The following SLITRK6 variants were observed in gnomAD, a reference collection of about 807,000 sequenced individuals.
The protein encoded by SLITRK6 is SLIT and NTRK-like protein 6.
SLITRK6 carries 35 observed loss-of-function variants against 55.6 expected under a neutral mutation model. The ratio of observed to expected loss-of-function variants is 0.63; its 90% confidence interval spans 0.48 to 0.83. The LOEUF is 0.83. Among genes scored for constraint, SLITRK6 ranks in the 40% least tolerant of loss-of-function variants. SLITRK6 has a pLI of 0.00. For missense variants in SLITRK6, 977 were observed against 986.4 expected (o/e 0.99, Z 0.13); for synonymous variants, 392 against 359.6 (o/e 1.09, Z -1.02).
At position 85,795,709 on chromosome 13, in the gene SLITRK6, C is replaced by T. The variant is rs914605052; in HGVS notation, c.800G>A (p.Cys267Tyr). ...TTCTTCATACACTGGTGGAGTAGGG[C>T]AAATAGATTCCTTCTTTAGTCTACT... The part of the protein sequence containing the change: ...ILSRLKKESI[C>Y]PTPPVYEEHE... Residue 267 changes from cysteine to tyrosine, a missense_variant, in exon 2 of 2, where the codon TGC (cysteine) becomes TAC (tyrosine). Physicochemically the swap from Cys to Tyr is radical, Grantham distance 194. Transcript: ENST00000647374. 1 of 1,612,802 alleles carries T rather than the reference C, an allele frequency of 6.2e-7. No individual in the cohort carries two copies. Among genetic ancestry groups the T allele is most frequent in the Non-Finnish European group, 8.5e-7 (1 of 1,179,316 alleles).
chr13:85,795,759 A>G lies in SLITRK6; in HGVS notation c.750T>C (p.Pro250=), dbSNP rs775261035. The change falls in exon 2 of 2, where the codon CCT becomes CCC. Residue 250 remains proline (P), a synonymous_variant. Transcript: ENST00000647374. ...SIIGDVVCNS[P]PFFKGSILSR... ...TGAGTATACTTCCTTTAAAAAATGG[A>G]GGGCTGTTGCAGACAACATCACCAA... is the stretch of plus-strand genomic sequence containing the variant. The G allele has an allele frequency of 3.0e-5, 48 of 1,612,646 alleles. No individual in the cohort carries two copies. The highest frequency in any genetic ancestry group is 3.8e-5 in the Non-Finnish European group (45 of 1,179,350).
At chr13:85,798,564 C>G (rs1226185799) in intron 1 of SLITRK6, among the ~76,000 whole-genome samples, 1 of 151,942 alleles carries the variant, frequency 6.6e-6, no homozygotes, top group Non-Finnish European at 1.5e-5. Flanking sequence ...ATACAAAATG[C>G]AAAGAATTAT....
chr13:85,796,252 C>A lies in SLITRK6; in HGVS notation c.257G>T (p.Gly86Val), dbSNP rs112793438. The stretch of plus-strand genomic sequence containing the variant: ...GTGTATTGAAATAGCATTGGTAAGC[C>A]CAGAAAAGTCATTTGTGTGAAGCAT... ...LTMLHTNDFSGLTNAISIHLG... is the reference protein window; with the variant it reads ...LTMLHTNDFSVLTNAISIHLG... Residue 86 changes from glycine (G) to valine (V), a missense_variant, in exon 2 of 2, where the codon GGG becomes GTG. By Grantham distance (109) the Gly-to-Val change is moderately radical (BLOSUM62 -3). Transcript: ENST00000647374. The A allele has an allele frequency of 1.2e-6, 2 of 1,612,446 alleles. No homozygotes were observed. The highest frequency in any genetic ancestry group is 1.7e-6 in the Non-Finnish European group (2 of 1,179,208).
chr13:85,796,566 G>A (rs556209013), intron 1 of SLITRK6, 34 bp from the exon 2 acceptor site: 1 of 1,468,848 alleles, frequency 6.8e-7, no homozygotes, highest in South Asian at 1.6e-5. Flanking sequence ...AGGGACTTTA[G>A]TGGGCAGAAC....
Position 85,794,195 on chromosome 13 carries a change from T to C in SLITRK6, c.2314A>G (p.Thr772Ala), listed in dbSNP as rs377105956. Residue 772 changes from threonine to alanine, a missense_variant, in exon 2 of 2, where the codon ACA (threonine) becomes GCA (alanine). Thr to Ala is a moderately conservative substitution (Grantham distance 58). Transcript: ENST00000647374. Reference sequence around the variant, plus strand: ...GCAATGTTTTTCCTTAGGTATTCTGTGATTCCCAGTTGCTGAAGTTCCCTT... The same window carrying C: ...GCAATGTTTTTCCTTAGGTATTCTGCGATTCCCAGTTGCTGAAGTTCCCTT... The part of the protein sequence containing the change: ...KERELQQLGI[T>A]EYLRKNIAQL... 3.1e-6 allele frequency: 5 copies of C among 1,612,824 alleles called. No homozygotes were observed. In the African/African-American group the frequency reaches 6.7e-5, roughly 22 times the overall value.
At position 85,793,957 on chromosome 13, in the gene SLITRK6, T is replaced by A. The variant is rs769773354; in HGVS notation, c.*26A>T. ...GGACTTAAAACAGAATCACAGCATT[T>A]CTGCGAAAGCCCTCAAACTCTCCAT... On this transcript the variant is annotated 3_prime_UTR_variant, in exon 2 of 2. Transcript: ENST00000647374. 1 of 1,555,598 alleles carries A rather than the reference T, an allele frequency of 6.4e-7. No homozygotes were observed. Among genetic ancestry groups the A allele is most frequent in the South Asian group, 1.3e-5 (1 of 79,416 alleles).
At position 85,795,368 on chromosome 13, in the gene SLITRK6, A is replaced by T. The variant is rs1446274616; in HGVS notation, c.1141T>A (p.Ser381Thr). Reference protein sequence around the residue: ...AGNIIHSLMKSDLVEYFTLEM... With the variant: ...AGNIIHSLMKTDLVEYFTLEM... ...AAAGTGAAATATTCCACTAGATCAG[A>T]CTTCATTAAACTGTGAATAATATTT... Residue 381 changes from serine to threonine, a missense_variant, in exon 2 of 2, where the codon TCT (serine) becomes ACT (threonine). Ser to Thr is a moderately conservative substitution (Grantham distance 58). Transcript: ENST00000647374. 1 of 1,612,636 alleles carries T rather than the reference A, an allele frequency of 6.2e-7. No individual in the cohort carries two copies. The highest frequency in any genetic ancestry group is 8.5e-7 in the Non-Finnish European group (1 of 1,179,348).
chr13:85,796,604 A>G, intron 1 of SLITRK6, 72 bp from the exon 2 acceptor site: 1 of 1,253,622 alleles, frequency 8.0e-7, no homozygotes, highest in South Asian at 2.5e-5. Flanking sequence ...TGATATTTTC[A>G]AAATAATAGG....
Position 85,794,174 on chromosome 13 carries a change from T to A in SLITRK6, c.2335A>T (p.Ile779Phe), listed in dbSNP as rs1294760607. Residue 779 changes from isoleucine to phenylalanine, a missense_variant, in exon 2 of 2, where the codon ATT (isoleucine) becomes TTT (phenylalanine). Ile to Phe is a conservative substitution (Grantham distance 21, BLOSUM62 0). Coordinates refer to ENST00000647374, the MANE Select transcript of SLITRK6 (RefSeq NM_032229.3). ...LGITEYLRKN[I>F]AQLQPDMEAH... Reference sequence around the variant, plus strand: ...TCCATATCAGGCTGGAGCTGAGCAATGTTTTTCCTTAGGTATTCTGTGATT... The same window carrying A: ...TCCATATCAGGCTGGAGCTGAGCAAAGTTTTTCCTTAGGTATTCTGTGATT... The A allele has an allele frequency of 2.5e-6, 4 of 1,612,914 alleles. No homozygotes were observed. The highest frequency in any genetic ancestry group is 3.4e-6 in the Non-Finnish European group (4 of 1,179,404).
Position 85,796,016 on chromosome 13 carries a change from A to G in SLITRK6, c.493T>C (p.Leu165=). ...TCAATAGCATTGTCATTTAAAATTAACACTTTGAGTCTGTTGAGCTTGCTA... is the reference window on the plus strand; with the variant it reads ...TCAATAGCATTGTCATTTAAAATTAGCACTTTGAGTCTGTTGAGCTTGCTA... The part of the protein sequence containing the change: ...AFSKLNRLKV[L]ILNDNAIESL... The change falls in exon 2 of 2, where the codon TTA becomes CTA. Residue 165 remains leucine (L), a synonymous_variant. Transcript: ENST00000647374. 6.2e-7 allele frequency: 1 copy of G among 1,613,178 alleles called. No homozygotes were observed. The highest frequency in any genetic ancestry group is 1.3e-5 in the African/African-American group (1 of 74,972).
rs751914910 is a variant in SLITRK6 at position 85,796,473 on chromosome 13, GAGAGATGAATAAA to G, written c.23_35del (p.Phe8SerfsTer34). The G allele has an allele frequency of 6.4e-7, 1 of 1,571,440 alleles. No homozygotes were observed. Among genetic ancestry groups the G allele is most frequent in the African/African-American group, 1.4e-5 (1 of 72,612 alleles). ...GGGAGTGTAAAGATATACAGGCAAG[GAGAGATGAATAAA>G]AGAGATGAATCCACAGCTTCATGTT... On this transcript the variant is annotated frameshift_variant, in exon 2 of 2. Coordinates refer to ENST00000647374, the MANE Select transcript of SLITRK6 (RefSeq NM_032229.3). LOFTEE classifies it high-confidence loss of function.
Position 85,796,490 on chromosome 13 carries a change from G to GATGAATCCACAGCT in SLITRK6, c.5_18dup (p.Leu7SerfsTer44). On this transcript the variant is annotated frameshift_variant, in exon 2 of 2. Coordinates refer to ENST00000647374, the MANE Select transcript of SLITRK6 (RefSeq NM_032229.3). LOFTEE classifies it high-confidence loss of function. ...CAGGCAAGGAGAGATGAATAAAAGA[G>GATGAATCCACAGCT]ATGAATCCACAGCTTCATGTTGTCA... The GATGAATCCACAGCT allele has an allele frequency of 6.5e-7, 1 of 1,549,606 alleles. No homozygotes were observed. The highest frequency in any genetic ancestry group is 1.7e-4 in the Middle Eastern group (1 of 5,716).
rs1159088098 is a variant in SLITRK6, at chr13:85,794,917, C to T, written c.1592G>A (p.Trp531Ter). 1 of 1,612,992 alleles carries T rather than the reference C, an allele frequency of 6.2e-7. No individual in the cohort carries two copies. Residue 531 changes from tryptophan to a stop codon, truncating the protein, a stop_gained, in exon 2 of 2, where the codon TGG becomes TAG. Transcript: ENST00000647374. LOFTEE classifies it high-confidence loss of function. Reference protein sequence around the residue: ...CSCDLVGLQQWIQKLSKNTVT... With the variant: ...CSCDLVGLQQ ...TGTGTTCTTGCTTAACTTTTGTATCCATTGCTGCAGTCCAACCAGGTCACA... is the reference window on the plus strand; with the variant it reads ...TGTGTTCTTGCTTAACTTTTGTATCTATTGCTGCAGTCCAACCAGGTCACA...
Position 85,796,377 on chromosome 13 carries a change from C to T in SLITRK6, c.132G>A (p.Met44Ile), listed in dbSNP as rs548291854. 33 of 1,612,650 alleles carry T rather than the reference C, an allele frequency of 2.0e-5. No homozygotes were observed. The East Asian group carries it at 6.9e-4, about 34-fold the overall frequency. ...TACCTTTTGCTTCACAATTTATTAG[C>T]ATTGTGCCATCTTTTTCCTCACAAT... ...LCNCEEKDGT[M>I]LINCEAKGIK... Residue 44 changes from methionine (M) to isoleucine (I), a missense_variant, in exon 2 of 2, where the codon ATG (methionine) becomes ATA (isoleucine). Transcript: ENST00000647374.
intron 1 of SLITRK6, among the ~76,000 whole-genome samples, chr13:85,798,077 G>A (rs1165187803): frequency 6.6e-6 from 1 of 151,826 alleles, no homozygotes; most frequent in Non-Finnish European, 1.5e-5. Context: ...CAAAGTTCCT[G>A]AAAGGCAAAA....
rs1874610573 is a variant in SLITRK6, at chr13:85,793,740, A to T, written c.*243T>A. The T allele has an allele frequency of 2.5e-6, 1 of 396,248 alleles. No homozygotes were observed. The highest frequency in any genetic ancestry group is 4.4e-6 in the Non-Finnish European group (1 of 224,884). 24.5% of individuals were successfully genotyped at this position (396,248 alleles called of 1,614,324 possible). A position where few individuals can be genotyped will look rare whatever the true frequency, so the allele number is the denominator to read the frequency against. On this transcript the variant is annotated 3_prime_UTR_variant, in exon 2 of 2. Coordinates refer to ENST00000647374, the MANE Select transcript of SLITRK6 (RefSeq NM_032229.3). Reference sequence around the variant, plus strand: ...TTTTCAGTATATGAAATATTACTATAATCCTTGAATGATTTACATGCAAGG... The same window carrying T: ...TTTTCAGTATATGAAATATTACTATTATCCTTGAATGATTTACATGCAAGG...
rs766728230 is a variant in SLITRK6, at chr13:85,794,317, G to C, written c.2192C>G (p.Thr731Arg). ...GGTTTTGTATTTCATATTTGACCCT[G>C]TGAGTGGTGAATGATTTTCCTGTTC... ...LLEQENHSPLTGSNMKYKTTN... is the reference protein window; with the variant it reads ...LLEQENHSPLRGSNMKYKTTN... Residue 731 changes from threonine (T) to arginine (R), a missense_variant, in exon 2 of 2, where the codon ACA (threonine) becomes AGA (arginine). Thr to Arg is a moderately conservative substitution (Grantham distance 71). Transcript: ENST00000647374. 1 of 1,613,310 alleles carries C rather than the reference G, an allele frequency of 6.2e-7. No individual in the cohort carries two copies. The highest frequency in any genetic ancestry group is 1.1e-5 in the South Asian group (1 of 91,064).
Position 85,796,426 on chromosome 13 carries a change from C to T in SLITRK6, c.83G>A (p.Arg28Lys). The T allele has an allele frequency of 6.2e-7, 1 of 1,611,282 alleles. No homozygotes were observed. The highest frequency in any genetic ancestry group is 8.5e-7 in the Non-Finnish European group (1 of 1,178,738). The change falls in exon 2 of 2, where the codon AGA (arginine) becomes AAA (lysine). Residue 28 changes from arginine (R) to lysine (K), a missense_variant. Physicochemically the swap from Arg to Lys is conservative, Grantham distance 26. Coordinates refer to ENST00000647374, the MANE Select transcript of SLITRK6 (RefSeq NM_032229.3). ...ATTGCAAAGAGAATCACAAGAGCCT[C>T]TGGATGAGAGCACTGGAGTTTGGGA... Reference protein sequence around the residue: ...LHSQTPVLSSRGSCDSLCNCE... With the variant: ...LHSQTPVLSSKGSCDSLCNCE...
At position 85,794,844 on chromosome 13, in the gene SLITRK6, C is replaced by A. The variant is rs767095824; in HGVS notation, c.1665G>T (p.Lys555Asn). The change falls in exon 2 of 2, where the codon AAG (lysine) becomes AAT (asparagine). Residue 555 changes from lysine to asparagine, a missense_variant. Lys to Asn is a moderately conservative substitution (Grantham distance 94, BLOSUM62 0). Transcript: ENST00000647374. ...LCTSPGHLDK[K>N]ELKALNSEIL... ...TTTCACTATTTAGGGCTTTCAATTC[C>A]TTTTTGTCGAGATGCCCGGGGGAAG... The A allele has an allele frequency of 1.6e-5, 26 of 1,612,876 alleles. No individual in the cohort carries two copies. Among genetic ancestry groups the A allele is most frequent in the Middle Eastern group, 1.6e-4 (1 of 6,076 alleles).
Sources: gnomAD v4.1 joint callset for allele counts (sites outside exome capture counted in the v4.1 genomes callset) on GRCh38, gnomAD v4.1.1 for gene constraint, MANE v1.5 for transcripts, NCBI Gene and HGNC (gene_info 2026-07-23, HGNC 2026-07-21) for gene names.